SLC71A1: variants seen among roughly 807,000 people sequenced by gnomAD.
SLC71A1 encodes the protein hippocampus abundant gene transcript 1.
the SLC71A1 span, among the ~76,000 whole-genome samples, chr1:100,051,912 C>T: frequency 4.3e-4 from 66 of 152,284 alleles, no homozygotes; most frequent in African/African-American, 1.4e-3. Context: ...TTCATCCTTA[C>T]AACCACCTTA....
chr1:100,038,923 A>G, the SLC71A1 span, among the ~76,000 whole-genome samples: 11 of 152,252 alleles, frequency 7.2e-5, no homozygotes, highest in African/African-American at 2.4e-4. Context: ...GCATGACGGC[A>G]GACACCTGGG....
chr1:100,049,931 G>C, the SLC71A1 span: 1 of 1,606,162 alleles, frequency 6.2e-7, no homozygotes, highest in Non-Finnish European at 8.5e-7. Flanking sequence ...GGTTCTCCTA[G>C]TGTCTATCAT....
At chr1:100,049,594 C>A in the SLC71A1 span, among the ~76,000 whole-genome samples, 8 of 152,168 alleles carry the variant, frequency 5.3e-5, no homozygotes, top group African/African-American at 1.7e-4. Context: ...CTTTTCCACC[C>A]TATACCTCCG....
At chr1:100,075,866 TGTG>T in the SLC71A1 span, among the ~76,000 whole-genome samples, 1 of 152,230 alleles carries the variant, frequency 6.6e-6, no homozygotes, top group South Asian at 2.1e-4. Context: ...TTTGTAGAGA[TGTG>T]GTCTCTTTAT....
At chr1:100,066,264 C>CT in the SLC71A1 span, among the ~76,000 whole-genome samples, 1 of 152,326 alleles carries the variant, frequency 6.6e-6, no homozygotes, top group Non-Finnish European at 1.5e-5. Context: ...ACCTCCAAGT[C>CT]TTTAAGCTTT....
the SLC71A1 span, among the ~76,000 whole-genome samples, chr1:100,056,760 C>A: frequency 6.6e-6 from 1 of 152,100 alleles, no homozygotes; most frequent in Non-Finnish European, 1.5e-5. Flanking sequence ...TTTTGAGGAG[C>A]CTTCCAACTG....
chr1:100,049,556 C>T, the SLC71A1 span, among the ~76,000 whole-genome samples: 1 of 152,164 alleles, frequency 6.6e-6, no homozygotes, highest in Admixed American at 6.5e-5. Flanking sequence ...TGCCGCAAGC[C>T]TTGGAAGCTT....
At chr1:100,042,141 T>C in the SLC71A1 span, among the ~76,000 whole-genome samples, 2 of 152,204 alleles carry the variant, frequency 1.3e-5, no homozygotes, top group African/African-American at 4.8e-5. Flanking sequence ...TTCCTTATCT[T>C]TTAAAATGCT....
chr1:100,066,192 C>G, the SLC71A1 span, among the ~76,000 whole-genome samples: 7 of 152,204 alleles, frequency 4.6e-5, no homozygotes, highest in Non-Finnish European at 8.8e-5. Flanking sequence ...ACCCTGCCAA[C>G]TAAAAAGATT....
the SLC71A1 span, chr1:100,049,832 CA>C: frequency 1.4e-6 from 1 of 723,646 alleles, no homozygotes; most frequent in Non-Finnish European, 2.4e-6. Flanking sequence ...TGACTATTAA[CA>C]TCGTTGTTAT....
the SLC71A1 span, among the ~76,000 whole-genome samples, chr1:100,081,780 A>G: frequency 6.6e-6 from 1 of 152,168 alleles, no homozygotes; most frequent in African/African-American, 2.4e-5. Context: ...ATGATGTAAT[A>G]TTTTCGCATA....
chr1:100,051,354 A>G, the SLC71A1 span, among the ~76,000 whole-genome samples: 33,461 of 151,802 alleles, frequency 0.22, 5,092 homozygotes, highest in African/African-American at 0.44. Context: ...CTGCACCACT[A>G]CCCTCCAGCC....
At chr1:100,046,510 G>A in the SLC71A1 span, among the ~76,000 whole-genome samples, 3 of 152,160 alleles carry the variant, frequency 2.0e-5, no homozygotes, top group Non-Finnish European at 2.9e-5. Flanking sequence ...ACAGGCGTGA[G>A]TCACTGTGCC....
At chr1:100,082,328 C>T in the SLC71A1 span, 1 of 750,906 alleles carries the variant, frequency 1.3e-6, no homozygotes, top group African/African-American at 1.8e-5. Context: ...AGAAATGTAT[C>T]TGCATGAACT....
the SLC71A1 span, among the ~76,000 whole-genome samples, chr1:100,054,908 AG>A: frequency 6.6e-6 from 1 of 152,296 alleles, no homozygotes; most frequent in South Asian, 2.1e-4. Flanking sequence ...TGGAGAAAAA[AG>A]TTAGGTAGCA....
the SLC71A1 span, among the ~76,000 whole-genome samples, chr1:100,075,799 C>T: frequency 3.9e-5 from 6 of 152,136 alleles, no homozygotes; most frequent in Non-Finnish European, 8.8e-5. Flanking sequence ...TGGACTCAGC[C>T]TCCTGAGTAG....
At chr1:100,072,483 TGAG>T in the SLC71A1 span, among the ~76,000 whole-genome samples, 1 of 151,990 alleles carries the variant, frequency 6.6e-6, no homozygotes, top group Admixed American at 6.6e-5. Flanking sequence ...GAGTAGATGA[TGAG>T]GTCAGGATTA....
At chr1:100,050,825 G>C in the SLC71A1 span, among the ~76,000 whole-genome samples, 4 of 152,038 alleles carry the variant, frequency 2.6e-5, no homozygotes, top group Non-Finnish European at 5.9e-5. Flanking sequence ...AGTTGCTTAT[G>C]CCTGTAATCC....
the SLC71A1 span, among the ~76,000 whole-genome samples, chr1:100,052,861 G>A: frequency 6.6e-6 from 1 of 151,228 alleles, no homozygotes; most frequent in Non-Finnish European, 1.5e-5. Context: ...TTGGCTCACT[G>A]CAACCTCCAC....
Sources: gnomAD v4.1 joint callset for allele counts (sites outside exome capture counted in the v4.1 genomes callset) on GRCh38, gnomAD v4.1.1 for gene constraint, MANE v1.5 for transcripts, NCBI Gene and HGNC (gene_info 2026-07-23, HGNC 2026-07-21) for gene names.